The following ADAMTS20 variants were observed in gnomAD, a reference collection of about 807,000 sequenced individuals.
The protein encoded by ADAMTS20 is A disintegrin and metalloproteinase with thrombospondin motifs 20.
ADAMTS20 carries 225 observed loss-of-function variants against 260.1 expected under a neutral mutation model. The ratio of observed to expected loss-of-function variants is 0.87; its 90% CI spans 0.78 to 0.97. The LOEUF (loss-of-function observed/expected upper bound fraction) is 0.97. Among genes scored for constraint, ADAMTS20 ranks in the 50% least tolerant of loss-of-function variants. The probability of loss-of-function intolerance (pLI) is 0.00; values close to 1 mark genes in which losing one functional copy is unlikely to be tolerated. For synonymous variants in ADAMTS20, 802 were observed against 769.5 expected, an observed-to-expected ratio of 1.04 and a Z score of -0.70; for missense variants, 2,400 against 2,337.7, an observed-to-expected ratio of 1.03 and a Z score of -0.55.
intron 28 of ADAMTS20, among the ~76,000 whole-genome samples, chr12:43,402,483 T>C (rs1200804508): frequency 2.6e-5 from 4 of 152,040 alleles, no homozygotes; most frequent in Non-Finnish European, 5.9e-5. Context: ...CATCCAGTAT[T>C]TTATCATATC....
intron 3 of ADAMTS20, among the ~76,000 whole-genome samples, chr12:43,524,857 G>T (rs1943120163): frequency 6.6e-6 from 1 of 152,192 alleles, no homozygotes. Flanking sequence ...CTAAGATTAT[G>T]TAAAACAATC....
rs67474640 is a variant in ADAMTS20 at position 43,409,601 on chromosome 12, C to CAAA, written c.4285-10371_4285-10369dup. ...TGGGCGACAGAGCGAGACTCCGTCT[C>CAAA]AAAAAAAAAAAAAAAAAAAAAAAAA... On this transcript the variant is annotated intron_variant, in intron 28 of 38. Coordinates refer to ENST00000389420, the MANE Select transcript of ADAMTS20 (RefSeq NM_025003.5). Among the ~76,000 whole-genome samples the CAAA allele has an allele frequency of 3.2e-3, 150 of 46,896 alleles. 27 individuals are homozygous for CAAA. The highest frequency in any genetic ancestry group is 0.019 in the African/African-American group (130 of 6,958). 30.8% of individuals were successfully genotyped at this position (46,896 alleles called of 152,430 possible). A position where few individuals can be genotyped will look rare whatever the true frequency, so the allele number is the denominator to read the frequency against.
At chr12:43,394,729 T>C (rs1487256903) in intron 29 of ADAMTS20, among the ~76,000 whole-genome samples, 1 of 152,084 alleles carries the variant, frequency 6.6e-6, no homozygotes, top group African/African-American at 2.4e-5. Flanking sequence ...AGCTAATGTA[T>C]AATGATATTA....
chr12:43,537,891 C>G (rs1349130394), intron 2 of ADAMTS20, among the ~76,000 whole-genome samples: 1 of 152,144 alleles, frequency 6.6e-6, no homozygotes, highest in Non-Finnish European at 1.5e-5. Flanking sequence ...AGTATATGTA[C>G]CACATTCTCT....
intron 3 of ADAMTS20, among the ~76,000 whole-genome samples, chr12:43,527,125 G>A (rs372129411): frequency 7.9e-5 from 12 of 152,048 alleles, no homozygotes; most frequent in Non-Finnish European, 1.6e-4. Flanking sequence ...TACAACCATC[G>A]TAGAGTAAAT....
Position 43,443,855 on chromosome 12 carries a change from T to C in ADAMTS20, c.2226A>G (p.Ala742=). The part of the protein sequence containing the change: ...YGYNVVVKIP[A]GATNVDIRQY... ...GACGAATGTCAACGTTTGTTGCTCCTGCGGGAATCTTTACAACAACATTAT... is the reference window on the plus strand; with the variant it reads ...GACGAATGTCAACGTTTGTTGCTCCCGCGGGAATCTTTACAACAACATTAT... Residue 742 remains alanine, a synonymous_variant, in exon 16 of 39, where the codon GCA becomes GCG. Coordinates refer to ENST00000389420, the MANE Select transcript of ADAMTS20 (RefSeq NM_025003.5). 1 of 1,613,360 alleles carries C rather than the reference T, an allele frequency of 6.2e-7. No individual in the cohort carries two copies. Among genetic ancestry groups the C allele is most frequent in the Non-Finnish European group, 8.5e-7 (1 of 1,179,444 alleles).
chr12:43,472,107 A>G (rs1208457090), intron 7 of ADAMTS20, among the ~76,000 whole-genome samples: 1 of 148,624 alleles, frequency 6.7e-6, no homozygotes. Context: ...AGAAGAATGT[A>G]TAACTAGAAT....
chr12:43,402,941 A>ACTT (rs1466428265), intron 28 of ADAMTS20, among the ~76,000 whole-genome samples: 5 of 152,088 alleles, frequency 3.3e-5, no homozygotes, highest in Non-Finnish European at 1.5e-5. Flanking sequence ...AAGTAGTGAT[A>ACTT]CTAAATAAAC....
intron 6 of ADAMTS20, among the ~76,000 whole-genome samples, chr12:43,491,229 T>C (rs1209212527): frequency 6.6e-6 from 1 of 152,156 alleles, no homozygotes; most frequent in Non-Finnish European, 1.5e-5. Context: ...TAGCATTCAG[T>C]ACAGTAACAT....
chr12:43,526,180 C>G (rs10785441), intron 3 of ADAMTS20, among the ~76,000 whole-genome samples: 1 of 151,982 alleles, frequency 6.6e-6, no homozygotes, highest in East Asian at 1.9e-4. Context: ...ATCGGCCAGG[C>G]GCGCAGTGGC....
chr12:43,383,442 C>T, intron 31 of ADAMTS20, 116 bp downstream of exon 31: 4 of 973,050 alleles, frequency 4.1e-6, no homozygotes, highest in Non-Finnish European at 6.0e-6. Context: ...GATTGATATG[C>T]ATACCATCAT....
intron 14 of ADAMTS20, among the ~76,000 whole-genome samples, chr12:43,451,131 C>T (rs182867959): frequency 1.4e-4 from 22 of 152,294 alleles, no homozygotes; most frequent in Non-Finnish European, 2.9e-4. Flanking sequence ...TTTGTGACAA[C>T]ATGGATGAAC....
intron 28 of ADAMTS20, chr12:43,423,223 T>C (rs1941267088): frequency 6.5e-6 from 1 of 152,994 alleles, no homozygotes; most frequent in Non-Finnish European, 1.5e-5. Context: ...TAATCAATGC[T>C]ACTGCTGTAG....
intron 29 of ADAMTS20, 128 bp downstream of exon 29, chr12:43,398,938 T>C (rs1485518483): frequency 2.0e-6 from 1 of 508,524 alleles, no homozygotes; most frequent in Non-Finnish European, 3.0e-6. Context: ...ACTTACAGCA[T>C]AGTGCAAAAA....
rs574556845 is a variant in ADAMTS20 at position 43,414,636 on chromosome 12, C to A, written c.4284+10878G>T. Among the ~76,000 whole-genome samples the A allele has an allele frequency of 4.9e-4, 75 of 152,094 alleles. 1 individual carries two copies. Among genetic ancestry groups the A allele is most frequent in the African/African-American group, 1.7e-3 (69 of 41,496 alleles). On this transcript the variant is annotated intron_variant, in intron 28 of 38. Transcript: ENST00000389420. ...TGCAAACTACAACCACAAAGAAATA[C>A]CACGACACACTCACTAGAATTGCTA...
intron 29 of ADAMTS20, among the ~76,000 whole-genome samples, chr12:43,390,443 TTTA>T (rs1435465051): frequency 6.6e-6 from 1 of 152,234 alleles, no homozygotes; most frequent in East Asian, 1.9e-4. Flanking sequence ...TGCTTTCTTT[TTTA>T]TTAACAACTC....
Position 43,550,987 on chromosome 12 carries a change from G to A in ADAMTS20, c.375C>T (p.Asp125=), listed in dbSNP as rs769406156. ...GAWESDAGPS[D]LRHCFYRGQV... is the part of the protein sequence containing the mutation. ...GGCCGCGGTAGAAGCAGTGGCGCAG[G>A]TCCGAGGGCCCTGCGTCGCTCTCCC... Residue 125 remains aspartate, a synonymous_variant, in exon 2 of 39, where the codon GAC becomes GAT. Transcript: ENST00000389420. 34 of 1,611,656 alleles carry A rather than the reference G, an allele frequency of 2.1e-5. No individual in the cohort carries two copies. The highest frequency in any genetic ancestry group is 1.4e-5 in the Non-Finnish European group (16 of 1,178,588).
In ADAMTS20 at chr12:43,365,606, G is replaced by T. The variant is rs997470604; in HGVS notation, c.5538+3684C>A. Among the ~76,000 whole-genome samples, 14 of 151,848 alleles carry T rather than the reference G, an allele frequency of 9.2e-5. 1 individual carries two copies. The South Asian group carries it at 2.9e-3, about 31-fold the overall frequency. ...AGAAATACTAAATGAGAAGGTTTAC[G>T]TAACAAACTCTATGAATATACAATT... On this transcript the variant is annotated intron_variant, in intron 37 of 38. Coordinates refer to ENST00000389420, the MANE Select transcript of ADAMTS20 (RefSeq NM_025003.5).
At chr12:43,421,177 G>A (rs1941226279) in intron 28 of ADAMTS20, among the ~76,000 whole-genome samples, 2 of 146,968 alleles carry the variant, frequency 1.4e-5, no homozygotes, top group African/African-American at 5.0e-5. Context: ...ATTTAGTACA[G>A]TATATATTTT....
Sources: gnomAD v4.1 joint callset for allele counts (sites outside exome capture counted in the v4.1 genomes callset) on GRCh38, gnomAD v4.1.1 for gene constraint, MANE v1.5 for transcripts, NCBI Gene and HGNC (gene_info 2026-07-23, HGNC 2026-07-21) for gene names.